Variants in KCTD1 observed in about 807,000 individuals in gnomAD.
The protein encoded by KCTD1 is BTB/POZ domain-containing protein KCTD1.
In KCTD1, 24 loss-of-function variants were observed where a neutral mutation model predicts 66.0. That is an observed-to-expected ratio of 0.36 (90% CI 0.26 to 0.51). The LOEUF is 0.51. KCTD1 is among the 20% of genes least tolerant of loss of function. The pLI is 0.95. For synonymous variants in KCTD1, 511 were observed against 517.2 expected (o/e 0.99, Z 0.16); for missense variants, 943 against 1,205.2 (o/e 0.78, Z 3.22).
intron 1 of KCTD1, among the ~76,000 whole-genome samples, chr18:26,637,743 G>A (rs1018157818): frequency 4.6e-5 from 7 of 152,208 alleles, no homozygotes; most frequent in African/African-American, 1.7e-4. Flanking sequence ...GAGGAGCCTG[G>A]GCTTTGGGGT....
chr18:26,565,007 T>G (rs762062464), intron 1 of KCTD1, among the ~76,000 whole-genome samples: 3 of 152,214 alleles, frequency 2.0e-5, no homozygotes, highest in Non-Finnish European at 4.4e-5. Flanking sequence ...GACTAAATCC[T>G]AGGCTAAAAT....
chr18:26,615,896 T>C (rs530744507), intron 1 of KCTD1, among the ~76,000 whole-genome samples: 16 of 152,266 alleles, frequency 1.1e-4, no homozygotes, highest in African/African-American at 3.6e-4. Context: ...GTTCAAGTGA[T>C]TCTCCTGCCT....
intron 1 of KCTD1, among the ~76,000 whole-genome samples, chr18:26,535,114 T>G (rs55944361): frequency 0.57 from 60,641 of 106,104 alleles, 15,779 homozygotes; most frequent in East Asian, 0.76. Flanking sequence ...GGTTGGGGGG[T>G]GGGGGTGGAG....
At chr18:26,514,834 TGGTATTAGCACA>T (rs1021732139) in intron 1 of KCTD1, among the ~76,000 whole-genome samples, 3 of 152,216 alleles carry the variant, frequency 2.0e-5, no homozygotes, top group Non-Finnish European at 4.4e-5. Context: ...CTGCCAGACC[TGGTATTAGCACA>T]GGAGATTTGT....
At chr18:26,629,724 C>CTTTT (rs11379360), upstream of KCTD1, among the ~76,000 whole-genome samples, 5 of 144,986 alleles carry the variant, frequency 3.4e-5, no homozygotes, top group Non-Finnish European at 4.5e-5. Flanking sequence ...ACCCCCCCGC[C>CTTTT]TTTTTTTTTT....
chr18:26,624,404 C>T (rs1987454345), intron 1 of KCTD1, among the ~76,000 whole-genome samples: 1 of 152,196 alleles, frequency 6.6e-6, no homozygotes, highest in Non-Finnish European at 1.5e-5. Flanking sequence ...ACCCAGGGAC[C>T]CCTTGCTCTG....
intron 3 of KCTD1, among the ~76,000 whole-genome samples, chr18:26,474,121 T>C (rs940510801): frequency 6.6e-6 from 1 of 152,212 alleles, no homozygotes; most frequent in African/African-American, 2.4e-5. Context: ...ACTATACATA[T>C]GGTTCTGCAA....
intron 2 of KCTD1, among the ~76,000 whole-genome samples, chr18:26,485,504 A>G (rs1008178088): frequency 1.3e-5 from 2 of 152,200 alleles, no homozygotes; most frequent in Admixed American, 1.3e-4. Flanking sequence ...TTGAAAGAAA[A>G]CTTTTAAGAT....
At chr18:26,588,812 T>C (rs903958805) in intron 1 of KCTD1, among the ~76,000 whole-genome samples, 3 of 152,210 alleles carry the variant, frequency 2.0e-5, no homozygotes, top group African/African-American at 7.2e-5. Context: ...ATCCAATCCA[T>C]TGCTTTTCAC....
chr18:26,492,320 C>A (rs896875924), intron 2 of KCTD1, among the ~76,000 whole-genome samples: 1 of 152,014 alleles, frequency 6.6e-6, no homozygotes, highest in East Asian at 1.9e-4. Flanking sequence ...TTGATTCTAA[C>A]CTGCCCCTGA....
At chr18:26,509,688 T>C (rs1983235325) in intron 1 of KCTD1, among the ~76,000 whole-genome samples, 1 of 152,088 alleles carries the variant, frequency 6.6e-6, no homozygotes. Flanking sequence ...AAAATTTCCA[T>C]CCCAAAACAG....
At chr18:26,538,328 T>C (rs1598927317) in intron 1 of KCTD1, among the ~76,000 whole-genome samples, 1 of 151,986 alleles carries the variant, frequency 6.6e-6, no homozygotes, top group Non-Finnish European at 1.5e-5. Context: ...GAAGAAGGTG[T>C]GGAGTTAAAT....
intron 2 of KCTD1, among the ~76,000 whole-genome samples, chr18:26,488,224 T>G (rs1982015284): frequency 6.6e-6 from 1 of 152,138 alleles, no homozygotes; most frequent in South Asian, 2.1e-4. Flanking sequence ...TTTCCTTGGT[T>G]GATACAACAA....
At chr18:26,496,333 T>C (rs904278856) in intron 2 of KCTD1, among the ~76,000 whole-genome samples, 1 of 152,204 alleles carries the variant, frequency 6.6e-6, no homozygotes, top group Non-Finnish European at 1.5e-5. Context: ...TCTTTTTTGG[T>C]GGTAATATAT....
chr18:26,621,892 C>G (rs1987394604), intron 1 of KCTD1, among the ~76,000 whole-genome samples: 2 of 152,094 alleles, frequency 1.3e-5, no homozygotes, highest in South Asian at 4.1e-4. Flanking sequence ...TAAATTGGTT[C>G]CAGAAAAGAG....
intron 1 of KCTD1, among the ~76,000 whole-genome samples, chr18:26,583,450 G>A (rs1020704998): frequency 1.3e-5 from 2 of 149,638 alleles, no homozygotes; most frequent in Non-Finnish European, 3.0e-5. Context: ...AAGTGAGCAT[G>A]AGCTTTTATT....
At position 26,459,809 on chromosome 18, in the gene KCTD1, G is replaced by A. The variant is rs896053709; in HGVS notation, c.2250C>T (p.Cys750=). The A allele has an allele frequency of 4.3e-6, 7 of 1,614,100 alleles. No individual in the cohort carries two copies. In the African/African-American group the frequency reaches 5.3e-5, roughly 12 times the overall value. ...ETGRFSRPCE[C]LVVRVAPDLG... is the part of the protein sequence containing the mutation. ...GGTCTGGGGCCACACGCACGACGAG[G>A]CACTCACAGGGCCTTGAAAATCGAC... Residue 750 remains cysteine, a synonymous_variant, in exon 4 of 5, where the codon TGC becomes TGT. Transcript: ENST00000580059.
intron 1 of KCTD1, among the ~76,000 whole-genome samples, chr18:26,555,786 G>A (rs1985693317): frequency 6.6e-6 from 1 of 152,202 alleles, no homozygotes; most frequent in Non-Finnish European, 1.5e-5. Context: ...CTATAGCAAT[G>A]TCAGTTACCA....
Position 26,546,859 on chromosome 18 carries a change from A to C in KCTD1, c.1678T>G (p.Ser560Ala), listed in dbSNP as rs1196035410. The change falls in exon 1 of 5, where the codon TCG becomes GCG. Residue 560 changes from serine (S) to alanine (A), a missense_variant. Physicochemically the swap from Ser to Ala is moderately conservative, Grantham distance 99 (BLOSUM62 1). Transcript: ENST00000580059. Reference protein sequence around the residue: ...TSPKRLCIRPSEPVDAVVVVS... With the variant: ...TSPKRLCIRPAEPVDAVVVVS... ...ACCACCACCGCATCCACAGGCTCCG[A>C]GGGGCGGATACAAAGTCTTTTGGGG... is the stretch of plus-strand genomic sequence containing the variant. 1 of 1,509,978 alleles carries C rather than the reference A, an allele frequency of 6.6e-7. No individual in the cohort carries two copies. The highest frequency in any genetic ancestry group is 2.3e-5 in the Admixed American group (1 of 44,370). 93.5% of individuals were successfully genotyped at this position (1,509,978 alleles called of 1,614,324 possible).
Sources: allele counts gnomAD v4.1 joint callset (sites outside exome capture counted in the v4.1 genomes callset), GRCh38; gene constraint gnomAD v4.1.1; transcripts MANE v1.5; gene names NCBI Gene and HGNC (gene_info 2026-07-23, HGNC 2026-07-21).